Variants in SMIM35 observed in about 807,000 individuals in gnomAD.
SMIM35 encodes TMPRSS4 antisense RNA 1 (non-protein coding).
chr11:118,068,704 T>C (rs1278912468), intron 1 of SMIM35, among the ~76,000 whole-genome samples: 1 of 152,194 alleles, frequency 6.6e-6, no homozygotes, highest in Non-Finnish European at 1.5e-5. Flanking sequence ...CAGCGCTGTT[T>C]CCTGCTGGCC....
chr11:118,057,574 A>C (rs1489079908), intron 1 of SMIM35, among the ~76,000 whole-genome samples: 3 of 152,178 alleles, frequency 2.0e-5, no homozygotes, highest in African/African-American at 7.2e-5. Context: ...TTCAGCACCC[A>C]GGTGCAGGGG....
Position 118,003,857 on chromosome 11 carries a change from GTAT to G in SMIM35, c.*2550_*2552del, listed in dbSNP as rs1429637131. The G allele has an allele frequency of 6.6e-6, 1 of 152,150 alleles. No individual in the cohort carries two copies. Among genetic ancestry groups the G allele is most frequent in the African/African-American group, 2.4e-5 (1 of 41,398 alleles). The allele number at this position is 152,150 out of a possible 1,614,324, so 9.4% of individuals were successfully genotyped here. ...GTGATAAGTGATGTGAAAGAAACTA[GTAT>G]TCCACATGAAGGATGAGGCAGGAGG... On this transcript the variant is annotated 3_prime_UTR_variant, in exon 5 of 5. Coordinates refer to ENST00000689828, the MANE Select transcript of SMIM35 (RefSeq NM_001394165.1).
Position 118,005,076 on chromosome 11 carries a change from C to T in SMIM35, c.*1334G>A, listed in dbSNP as rs1642471564. The T allele has an allele frequency of 6.6e-6, 1 of 152,132 alleles. No homozygotes were observed. The highest frequency in any genetic ancestry group is 2.4e-5 in the African/African-American group (1 of 41,398). The allele number at this position is 152,132 out of a possible 1,614,324, so 9.4% of individuals were successfully genotyped here. ...CTTCAGAATCCTACTATCTGGTCAC[C>T]CCAGCCCTGGAAGTGACCCTTGCCC... On this transcript the variant is annotated 3_prime_UTR_variant, in exon 5 of 5. Transcript: ENST00000689828.
intron 1 of SMIM35, among the ~76,000 whole-genome samples, chr11:118,060,137 T>C (rs1380191109): frequency 6.6e-6 from 1 of 152,038 alleles, no homozygotes; most frequent in Non-Finnish European, 1.5e-5. Context: ...ATTCCCGCGC[T>C]CTAGGGGCTC....
chr11:118,078,800 G>A (rs1351508631), intron 1 of SMIM35, among the ~76,000 whole-genome samples: 7 of 152,234 alleles, frequency 4.6e-5, no homozygotes, highest in Non-Finnish European at 1.0e-4. Context: ...CTGTCTTGAG[G>A]CATTCATCTT....
In SMIM35 at chr11:118,010,302, GC is replaced by G. The variant is rs1229770571; in HGVS notation, c.*33+3445del. On this transcript the variant is annotated intron_variant, in intron 4 of 4. Transcript: ENST00000689828. ...CTGCCCTCCTGGCTCCTGGCACCTG[GC>G]CCCCTCCAATGCCACTGGCATGGGA... Among the ~76,000 whole-genome samples the G allele has an allele frequency of 1.4e-4, 21 of 152,230 alleles. No homozygotes were observed. In the East Asian group the frequency reaches 4.1e-3, roughly 29 times the overall value.
At chr11:118,054,550 C>T (rs142232792) in intron 1 of SMIM35, among the ~76,000 whole-genome samples, 1 of 152,134 alleles carries the variant, frequency 6.6e-6, no homozygotes, top group Admixed American at 6.6e-5. Flanking sequence ...GGATTTACAT[C>T]TTGCCCTTTT....
At chr11:118,043,758 G>A (rs1317683557) in intron 1 of SMIM35, among the ~76,000 whole-genome samples, 3 of 147,072 alleles carry the variant, frequency 2.0e-5, no homozygotes, top group Non-Finnish European at 3.0e-5. Flanking sequence ...AGCCAAGATC[G>A]CACCACTGCA....
In SMIM35 at chr11:118,053,516, T is replaced by G. The variant is rs1944255601; in HGVS notation, c.7+33235A>C. ...CTCCCATGCTCTGGCAACCCTTCCT[T>G]GGATTCCTTATTCAACTCCTCCAAA... On this transcript the variant is annotated intron_variant, in intron 1 of 4. Coordinates refer to ENST00000689828, the MANE Select transcript of SMIM35 (RefSeq NM_001394165.1). 1.3e-5 allele frequency among the ~76,000 whole-genome samples: 2 copies of G among 152,188 alleles called. 1 individual carries two copies. The highest frequency in any genetic ancestry group is 4.1e-4 in the South Asian group (2 of 4,826).
chr11:118,041,835 G>T (rs1461126043), intron 1 of SMIM35, among the ~76,000 whole-genome samples: 1 of 152,038 alleles, frequency 6.6e-6, no homozygotes, highest in Non-Finnish European at 1.5e-5. Context: ...TGGATCACTT[G>T]AGGTTGGGAG....
intron 1 of SMIM35, among the ~76,000 whole-genome samples, chr11:118,081,375 C>T (rs949857841): frequency 3.4e-4 from 52 of 152,250 alleles, no homozygotes; most frequent in East Asian, 7.7e-4. Flanking sequence ...CCCTGTGACA[C>T]GTCTAACGCC....
At chr11:118,071,484 C>T (rs1266267072) in intron 1 of SMIM35, among the ~76,000 whole-genome samples, 2 of 152,148 alleles carry the variant, frequency 1.3e-5, no homozygotes, top group African/African-American at 4.8e-5. Flanking sequence ...CTGTTGGCCC[C>T]TGTAAAAAAG....
At chr11:118,062,335 C>A (rs1212788102) in intron 1 of SMIM35, among the ~76,000 whole-genome samples, 1 of 152,164 alleles carries the variant, frequency 6.6e-6, no homozygotes, top group Admixed American at 6.6e-5. Context: ...ATCTCAAAAA[C>A]AAACAAACAA....
chr11:118,035,196 C>A (rs1048380538), intron 1 of SMIM35, among the ~76,000 whole-genome samples: 3 of 152,116 alleles, frequency 2.0e-5, no homozygotes, highest in Non-Finnish European at 4.4e-5. Context: ...AAGTGATCCA[C>A]CCGCCTCAGC....
chr11:118,058,594 C>T (rs777245257), intron 1 of SMIM35, among the ~76,000 whole-genome samples: 22 of 152,282 alleles, frequency 1.4e-4, no homozygotes, highest in Non-Finnish European at 3.2e-4. Flanking sequence ...GTTGTAAGCA[C>T]AAGAGAAAAA....
chr11:118,013,906 A>C (rs2058163110), intron 3 of SMIM35, 26 bp from the exon 4 acceptor site: 1 of 399,012 alleles, frequency 2.5e-6, no homozygotes, highest in East Asian at 3.6e-5. Flanking sequence ...CAATCAGGCT[A>C]CTGGAGCTGA....
intron 1 of SMIM35, among the ~76,000 whole-genome samples, chr11:118,044,979 C>A (rs1944074320): frequency 6.6e-6 from 1 of 152,028 alleles, no homozygotes; most frequent in Non-Finnish European, 1.5e-5. Flanking sequence ...AGATTAGCAA[C>A]ACATCAAACA....
At chr11:118,064,254 C>T (rs1944434292) in intron 1 of SMIM35, among the ~76,000 whole-genome samples, 1 of 152,186 alleles carries the variant, frequency 6.6e-6, no homozygotes, top group Non-Finnish European at 1.5e-5. Flanking sequence ...GAGTTTTTTC[C>T]TAACACACCA....
chr11:118,077,000 A>G (rs1212467338), intron 1 of SMIM35: 9 of 395,424 alleles, frequency 2.3e-5, no homozygotes, highest in Non-Finnish European at 4.1e-5. Flanking sequence ...GTGTCAGGTT[A>G]CAAGACACAT....
Sources: gnomAD v4.1 joint callset for allele counts (sites outside exome capture counted in the v4.1 genomes callset) on GRCh38, gnomAD v4.1.1 for gene constraint, MANE v1.5 for transcripts, NCBI Gene and HGNC (gene_info 2026-07-23, HGNC 2026-07-21) for gene names.